The following HDAC9 variants were observed in gnomAD, a reference collection of about 807,000 sequenced individuals.
HDAC9 encodes the protein MEF-2 interacting transcription repressor (MITR) protein.
A neutral mutation model predicts 139.4 loss-of-function variants in HDAC9; 41 were observed. The ratio of observed to expected loss-of-function variants is 0.29; its 90% CI spans 0.23 to 0.38. The LOEUF is 0.38. HDAC9 is among the 10% of genes least tolerant of loss of function. The probability of loss-of-function intolerance (pLI) is 1.00; values close to 1 mark genes in which losing one functional copy is unlikely to be tolerated. For synonymous variants in HDAC9, 517 were observed against 476.2 expected, an observed-to-expected ratio of 1.09 and a Z score of -1.12; for missense variants, 1,147 against 1,297.0, an observed-to-expected ratio of 0.88 and a Z score of 1.78.
At chr7:18,194,151 C>A (rs1333002023) in intron 2 of HDAC9, among the ~76,000 whole-genome samples, 1 of 152,134 alleles carries the variant, frequency 6.6e-6, no homozygotes, top group African/African-American at 2.4e-5. Flanking sequence ...TCTTTATTAA[C>A]TGTCAGTCTT....
chr7:18,717,726 TA>T (rs1339166414), intron 12 of HDAC9, among the ~76,000 whole-genome samples: 3 of 152,020 alleles, frequency 2.0e-5, no homozygotes, highest in Non-Finnish European at 4.4e-5. Context: ...TCACAAGGGA[TA>T]AAAATATTTT....
intron 22 of HDAC9, among the ~76,000 whole-genome samples, chr7:18,878,608 C>T (rs556828712): frequency 3.0e-4 from 46 of 152,252 alleles, no homozygotes; most frequent in African/African-American, 4.1e-4. Flanking sequence ...TAAAATTCAA[C>T]GCCCCTTCTT....
chr7:18,178,573 ACTT>A (rs1193019750), intron 2 of HDAC9, among the ~76,000 whole-genome samples: 1 of 152,142 alleles, frequency 6.6e-6, no homozygotes, highest in African/African-American at 2.4e-5. Context: ...AGTAACTTGA[ACTT>A]CTCCCTGTTT....
intron 1 of HDAC9, among the ~76,000 whole-genome samples, chr7:18,447,713 C>A (rs1164598585): frequency 6.6e-6 from 1 of 152,162 alleles, no homozygotes; most frequent in East Asian, 1.9e-4. Context: ...AGTTAACTGT[C>A]ATATACATCT....
At chr7:18,591,801 A>G (rs559709130) in intron 5 of HDAC9, among the ~76,000 whole-genome samples, 159 bp downstream of exon 5, 1 of 152,262 alleles carries the variant, frequency 6.6e-6, no homozygotes, top group East Asian at 1.9e-4. Context: ...CTCCATAAAA[A>G]GAGGAAAATA....
At chr7:18,924,396 C>A (rs1454884215) in intron 22 of HDAC9, among the ~76,000 whole-genome samples, 1 of 151,980 alleles carries the variant, frequency 6.6e-6, no homozygotes, top group Non-Finnish European at 1.5e-5. Flanking sequence ...TAAATGGTTG[C>A]TTGTAACTTA....
At chr7:18,106,110 A>G (rs540017267) in intron 1 of HDAC9, among the ~76,000 whole-genome samples, 1 of 152,354 alleles carries the variant, frequency 6.6e-6, no homozygotes, top group East Asian at 1.9e-4. Flanking sequence ...TTCTGTGGCA[A>G]TGAAAATTTT....
chr7:18,949,050 C>A, intron 23 of HDAC9: 1 of 392,860 alleles, frequency 2.5e-6, no homozygotes, highest in Admixed American at 3.1e-5. Context: ...TTAATGTTTT[C>A]TACAGAACTA....
chr7:18,867,326 A>G (rs1798570578), intron 21 of HDAC9, among the ~76,000 whole-genome samples: 1 of 152,186 alleles, frequency 6.6e-6, no homozygotes, highest in Admixed American at 6.5e-5. Context: ...ACGATGGCAT[A>G]TCCAGTACTT....
chr7:18,791,288 G>C (rs1457654285), intron 16 of HDAC9, among the ~76,000 whole-genome samples: 1 of 152,088 alleles, frequency 6.6e-6, no homozygotes, highest in Non-Finnish European at 1.5e-5. Flanking sequence ...TACATCTTTT[G>C]GAATTTATTT....
chr7:18,368,782 CT>C (rs1288662019), intron 1 of HDAC9, among the ~76,000 whole-genome samples: 1 of 147,332 alleles, frequency 6.8e-6, no homozygotes, highest in Non-Finnish European at 1.5e-5. Flanking sequence ...AAATTCCTAC[CT>C]AAGTAGTAGC....
chr7:18,198,325 G>A (rs73317878), intron 2 of HDAC9, among the ~76,000 whole-genome samples: 5,287 of 151,974 alleles, frequency 0.035, 329 homozygotes, highest in African/African-American at 0.12. Context: ...AAAAATATAA[G>A]CAGCATTTTT....
At chr7:18,859,667 G>A (rs1477802569) in intron 21 of HDAC9, among the ~76,000 whole-genome samples, 3 of 151,420 alleles carry the variant, frequency 2.0e-5, no homozygotes, top group Non-Finnish European at 4.4e-5. Context: ...TGAAAAGGAT[G>A]TCATGCTGTA....
Position 18,904,572 on chromosome 7 carries a change from CTTTTTTTTTTTTTTTT to C in HDAC9, c.2803+29987_2803+30002del, listed in dbSNP as rs71017010. ...GGGGAACCCTCTACCCTCCCCATTT[CTTTTTTTTTTTTTTTT>C]TTTTTTTTTTAGATGGAGTCTCGCT... On this transcript the variant is annotated intron_variant, in intron 22 of 25. Coordinates refer to ENST00000686413, the MANE Select transcript of HDAC9 (RefSeq NM_178425.4). Among the ~76,000 whole-genome samples, 285 of 71,958 alleles carry C rather than the reference CTTTTTTTTTTTTTTTT, an allele frequency of 4.0e-3. 1 individual carries two copies. The highest frequency in any genetic ancestry group is 5.7e-3 in the Non-Finnish European group (233 of 41,208). The allele number at this position is 71,958 out of a possible 152,430, so 47.2% of individuals were successfully genotyped here.
intron 1 of HDAC9, among the ~76,000 whole-genome samples, chr7:18,140,778 A>G (rs1482749052): frequency 6.6e-6 from 1 of 152,082 alleles, no homozygotes; most frequent in Non-Finnish European, 1.5e-5. Context: ...CACTGAATAT[A>G]TATATATATT....
intron 2 of HDAC9, among the ~76,000 whole-genome samples, chr7:18,167,818 G>C (rs1327755656): frequency 3.3e-5 from 5 of 152,210 alleles, no homozygotes; most frequent in Non-Finnish European, 7.3e-5. Context: ...AAGAGGAGGA[G>C]ACAGGTTTGG....
chr7:18,595,650 G>C (rs1304580939), intron 6 of HDAC9, among the ~76,000 whole-genome samples: 1 of 152,022 alleles, frequency 6.6e-6, no homozygotes, highest in South Asian at 2.1e-4. Flanking sequence ...ACTGATGAGT[G>C]ATATAGTTAC....
intron 25 of HDAC9, among the ~76,000 whole-genome samples, chr7:18,988,234 A>G (rs1012567984): frequency 2.0e-5 from 3 of 151,504 alleles, no homozygotes; most frequent in Non-Finnish European, 4.4e-5. Flanking sequence ...ACTGCTTTGA[A>G]TGCTTCCCAG....
At chr7:18,228,300 T>TC in intron 2 of HDAC9, among the ~76,000 whole-genome samples, 1 of 152,028 alleles carries the variant, frequency 6.6e-6, no homozygotes, top group Middle Eastern at 3.4e-3. Flanking sequence ...ATAACCTTTT[T>TC]TTTTTTTAAT....
Sources: allele counts gnomAD v4.1 joint callset (sites outside exome capture counted in the v4.1 genomes callset), GRCh38; gene constraint gnomAD v4.1.1; transcripts MANE v1.5; gene names NCBI Gene and HGNC (gene_info 2026-07-23, HGNC 2026-07-21).